PPP1R12A: variants seen among roughly 807,000 people sequenced by gnomAD.
PPP1R12A encodes myosin binding subunit.
A neutral mutation model predicts 139.6 loss-of-function variants in PPP1R12A; 19 were observed. The observed-to-expected ratio is 0.14, with a 90% CI of 0.09 to 0.20. PPP1R12A has a LOEUF of 0.20. PPP1R12A is among the 10% of genes least tolerant of loss of function. The pLI, the probability that PPP1R12A is intolerant of heterozygous loss-of-function variation, is 1.00. For missense variants in PPP1R12A, 925 were observed against 1,211.5 expected, an observed-to-expected ratio of 0.76 and a Z score of 3.51; for synonymous variants, 427 against 420.6, an observed-to-expected ratio of 1.02 and a Z score of -0.19.
intron 1 of PPP1R12A, among the ~76,000 whole-genome samples, chr12:79,906,521 C>T (rs1305076397): frequency 6.6e-6 from 1 of 151,972 alleles, no homozygotes; most frequent in Non-Finnish European, 1.5e-5. Flanking sequence ...CAATATTATC[C>T]ATATTTAGCC....
chr12:79,818,415 G>A (rs11834002), intron 8 of PPP1R12A, among the ~76,000 whole-genome samples: 31,459 of 151,672 alleles, frequency 0.21, 5,871 homozygotes, highest in African/African-American at 0.5. Context: ...TAATTGTTGT[G>A]TTTTTTTTGT....
intron 1 of PPP1R12A, among the ~76,000 whole-genome samples, chr12:79,897,462 A>G (rs963706664): frequency 2.6e-5 from 4 of 152,182 alleles, no homozygotes; most frequent in Admixed American, 6.5e-5. Flanking sequence ...CCTGGGTAAT[A>G]GATACATCAC....
chr12:79,904,487 G>C (rs779211697), intron 1 of PPP1R12A, among the ~76,000 whole-genome samples: 2 of 151,960 alleles, frequency 1.3e-5, no homozygotes, highest in Non-Finnish European at 2.9e-5. Flanking sequence ...GGCTGTGCTA[G>C]GTACTTTCAC....
At chr12:79,869,308 T>C (rs941008559) in intron 2 of PPP1R12A, among the ~76,000 whole-genome samples, 5 of 152,228 alleles carry the variant, frequency 3.3e-5, no homozygotes, top group Non-Finnish European at 7.3e-5. Flanking sequence ...TTCTACTATT[T>C]CCAACAGAGG....
chr12:79,869,903 CTATTAT>C lies in PPP1R12A; in HGVS notation c.368+2899_368+2904del, dbSNP rs200825139. ...ACCCCCTGGGTTATAACTATTGTCT[CTATTAT>C]TATTATTATTATTATTATTATTATT... On this transcript the variant is annotated intron_variant, in intron 2 of 24. Transcript: ENST00000450142. 1.5e-3 allele frequency among the ~76,000 whole-genome samples: 221 copies of C among 145,450 alleles called. 2 individuals carry two copies. Among genetic ancestry groups the C allele is most frequent in the Middle Eastern group, 3.5e-3 (1 of 282 alleles).
rs763646601 is a variant in PPP1R12A at position 79,821,162 on chromosome 12, T to C, written c.872A>G (p.His291Arg). Residue 291 changes from histidine (H) to arginine (R), a missense_variant, in exon 7 of 25, where the codon CAT becomes CGT. Physicochemically the swap from His to Arg is conservative, Grantham distance 29 (BLOSUM62 0). Around this residue, in one of 4 missense-constraint regions of PPP1R12A, gnomAD observed 403 missense variants for 463.7 expected, o/e 0.87. Coordinates refer to ENST00000450142, the MANE Select transcript of PPP1R12A (RefSeq NM_002480.3). Reference protein sequence around the residue: ...EELQKKQNLLHSEKRDKKSPL... With the variant: ...EELQKKQNLLRSEKRDKKSPL... Reference sequence around the variant, plus strand: ...AGATTTCTTGTCCCGTTTTTCACTATGGAGCTTTGTACAAAGTTATGCAAA... The same window carrying C: ...AGATTTCTTGTCCCGTTTTTCACTACGGAGCTTTGTACAAAGTTATGCAAA... 2 of 1,609,424 alleles carry C rather than the reference T, an allele frequency of 1.2e-6. No homozygotes were observed. The highest frequency in any genetic ancestry group is 2.2e-5 in the East Asian group (1 of 44,786).
intron 1 of PPP1R12A, among the ~76,000 whole-genome samples, chr12:79,889,212 C>T (rs947120723): frequency 6.6e-6 from 1 of 152,066 alleles, no homozygotes; most frequent in African/African-American, 2.4e-5. Flanking sequence ...TAAAAAGATA[C>T]AGAATAAACA....
At chr12:79,885,917 A>G (rs1346724300) in intron 1 of PPP1R12A, among the ~76,000 whole-genome samples, 1 of 152,096 alleles carries the variant, frequency 6.6e-6, no homozygotes, top group East Asian at 1.9e-4. Context: ...GCTGGTCTAG[A>G]ACTCCTGGCC....
At chr12:79,848,979 A>G (rs111617239) in intron 2 of PPP1R12A, 3 of 151,926 alleles carry the variant, frequency 2.0e-5, no homozygotes, top group African/African-American at 7.2e-5. Flanking sequence ...TTGTAGTTAT[A>G]TATTATTTAG....
intron 2 of PPP1R12A, among the ~76,000 whole-genome samples, chr12:79,850,058 C>T (rs1879867568): frequency 6.6e-6 from 1 of 152,098 alleles, no homozygotes; most frequent in Non-Finnish European, 1.5e-5. Flanking sequence ...AAACTCCTGG[C>T]ATTATGCAAT....
Position 79,807,282 on chromosome 12 carries a change from C to A in PPP1R12A, c.1599G>T (p.Trp533Cys). The change falls in exon 12 of 25, where the codon TGG becomes TGT. Residue 533 changes from tryptophan to cysteine, a missense_variant. By Grantham distance (215) the Trp-to-Cys change is radical. Around this residue, in one of 4 missense-constraint regions of PPP1R12A, gnomAD observed 403 missense variants for 463.7 expected, o/e 0.87. Coordinates refer to ENST00000450142, the MANE Select transcript of PPP1R12A (RefSeq NM_002480.3). The stretch of plus-strand genomic sequence containing the variant: ...AGCTATTTTTTTTAAGATCATCTTC[C>A]CATTTTCTCCTTGTATATGAACTAC... ...RTSSSYTRRK[W>C]EDDLKKNSSV... The A allele has an allele frequency of 6.4e-7, 1 of 1,555,888 alleles. No homozygotes were observed. The highest frequency in any genetic ancestry group is 2.4e-5 in the East Asian group (1 of 42,376).
At chr12:79,837,806 T>C (rs540113556) in intron 3 of PPP1R12A, among the ~76,000 whole-genome samples, 13 of 152,336 alleles carry the variant, frequency 8.5e-5, no homozygotes, top group Admixed American at 3.3e-4. Flanking sequence ...GTGCTTCCCC[T>C]TCCACTATGA....
intron 21 of PPP1R12A, chr12:79,788,378 T>C (rs1210736882): frequency 6.8e-6 from 2 of 292,856 alleles, no homozygotes; most frequent in East Asian, 6.5e-5. Flanking sequence ...TGTGTATACA[T>C]TTGTGTGCAC....
Position 79,872,996 on chromosome 12 carries a change from ACAT to A in PPP1R12A, c.238-61_238-59del, listed in dbSNP as rs150168340. The A allele has an allele frequency of 1.0e-3, 1,537 of 1,487,004 alleles. 11 individuals are homozygous for A. In the African/African-American group the frequency reaches 0.019, roughly 19 times the overall value. 92.1% of individuals were successfully genotyped at this position (1,487,004 alleles called of 1,614,324 possible). ...AATACGAATTAACACTCCAAATAAT[ACAT>A]CAATAGAATAAAATTCCTACTTTGT... On this transcript the variant is annotated intron_variant, in intron 1 of 24. Coordinates refer to ENST00000450142, the MANE Select transcript of PPP1R12A (RefSeq NM_002480.3).
rs1872591223 is a variant in PPP1R12A at position 79,797,188 on chromosome 12, C to T, written c.2292+7G>A. 1.3e-6 allele frequency: 2 copies of T among 1,573,416 alleles called. No individual in the cohort carries two copies. The highest frequency in any genetic ancestry group is 2.7e-5 in the African/African-American group (2 of 73,568). On this transcript the variant is annotated splice_region_variant and intron_variant, in intron 16 of 24. Coordinates refer to ENST00000450142, the MANE Select transcript of PPP1R12A (RefSeq NM_002480.3). The stretch of plus-strand genomic sequence containing the variant: ...TTGACTTAAATGTGCTTTTGATATA[C>T]TGTTACCTCATCATACGTTCTGGAG...
At chr12:79,815,741 G>C (rs1017687825) in intron 9 of PPP1R12A, among the ~76,000 whole-genome samples, 2 of 152,114 alleles carry the variant, frequency 1.3e-5, no homozygotes, top group South Asian at 4.1e-4. Context: ...AAATTTTGCA[G>C]ACAAACTGCT....
chr12:79,896,009 T>G (rs1885095830), intron 1 of PPP1R12A, among the ~76,000 whole-genome samples: 1 of 151,008 alleles, frequency 6.6e-6, no homozygotes, highest in South Asian at 2.1e-4. Context: ...ACAATTTTTT[T>G]TTTTAAAAGA....
chr12:79,913,516 T>C (rs1886758445), intron 1 of PPP1R12A, among the ~76,000 whole-genome samples: 1 of 152,226 alleles, frequency 6.6e-6, no homozygotes, highest in Admixed American at 6.5e-5. Flanking sequence ...TTCCACACTC[T>C]ATTCTGATTC....
intron 1 of PPP1R12A, among the ~76,000 whole-genome samples, chr12:79,883,686 T>C (rs891310402): frequency 5.3e-5 from 8 of 152,160 alleles, no homozygotes; most frequent in Admixed American, 1.3e-4. Context: ...TTGGGAATTA[T>C]CTGCATTGAG....
Sources: gnomAD v4.1 joint callset for allele counts (sites outside exome capture counted in the v4.1 genomes callset) on GRCh38, gnomAD v4.1.1 for gene constraint, gnomAD v4.1.1 regional missense constraint, MANE v1.5 for transcripts, NCBI Gene and HGNC (gene_info 2026-07-23, HGNC 2026-07-21) for gene names.